The following LRBA variants were observed in gnomAD, a reference collection of about 807,000 sequenced individuals.
The protein encoded by LRBA is LPS responsive beige-like anchor protein.
In LRBA, 176 loss-of-function variants were observed where a neutral mutation model predicts 330.0. The observed-to-expected ratio is 0.53, with a 90% confidence interval of 0.47 to 0.60. The LOEUF is 0.60. Among genes scored for constraint, LRBA ranks in the 20% least tolerant of loss-of-function variants. LRBA has a pLI of 0.00. For missense variants in LRBA, 3,259 were observed against 3,444.8 expected (o/e 0.95, Z 1.35); for synonymous variants, 1,230 against 1,193.0 (o/e 1.03, Z -0.64).
chr4:150,276,883 T>C (rs763355924), intron 56 of LRBA, among the ~76,000 whole-genome samples: 6 of 152,166 alleles, frequency 3.9e-5, no homozygotes, highest in Non-Finnish European at 7.3e-5. Context: ...CTCAAGGATA[T>C]AGAACCAGAA....
chr4:150,318,466 A>T (rs578073239), intron 50 of LRBA, among the ~76,000 whole-genome samples: 2 of 152,316 alleles, frequency 1.3e-5, no homozygotes, highest in Admixed American at 6.5e-5. Flanking sequence ...AAATATTGTA[A>T]TATGGATTTG....
intron 40 of LRBA, among the ~76,000 whole-genome samples, chr4:150,548,267 G>A (rs1044760463): frequency 2.6e-5 from 4 of 152,006 alleles, no homozygotes; most frequent in Admixed American, 6.5e-5. Context: ...ACCACTCTTT[G>A]TTAGGCTGTA....
At chr4:150,837,903 T>G (rs1159439355) in intron 28 of LRBA, among the ~76,000 whole-genome samples, 2 of 152,248 alleles carry the variant, frequency 1.3e-5, no homozygotes, top group East Asian at 3.8e-4. Flanking sequence ...TCTTTACAAT[T>G]TGGCATGTTT....
intron 36 of LRBA, among the ~76,000 whole-genome samples, chr4:150,689,693 T>C (rs1029454516): frequency 1.3e-5 from 2 of 151,984 alleles, no homozygotes; most frequent in Non-Finnish European, 2.9e-5. Context: ...AGGGAGGCTG[T>C]GACAGGAGGA....
chr4:150,797,495 T>C (rs956256559), intron 34 of LRBA, among the ~76,000 whole-genome samples: 2 of 151,984 alleles, frequency 1.3e-5, no homozygotes, highest in African/African-American at 4.8e-5. Flanking sequence ...ATGATTTTTA[T>C]ATAAGTTTTT....
At chr4:150,281,676 T>G (rs993213634) in intron 55 of LRBA, among the ~76,000 whole-genome samples, 16 of 152,188 alleles carry the variant, frequency 1.1e-4, no homozygotes, top group Non-Finnish European at 2.4e-4. Flanking sequence ...ACAGCTCACA[T>G]GCCCCGCCCT....
At chr4:150,937,066 T>G (rs893792992) in intron 2 of LRBA, among the ~76,000 whole-genome samples, 1 of 152,074 alleles carries the variant, frequency 6.6e-6, no homozygotes, top group Non-Finnish European at 1.5e-5. Context: ...TTCACCAGCT[T>G]TTAAACTGAG....
chr4:150,545,769 CAAG>C (rs1192158422), intron 40 of LRBA, among the ~76,000 whole-genome samples: 1 of 151,946 alleles, frequency 6.6e-6, no homozygotes, highest in African/African-American at 2.4e-5. Context: ...CATGATCAAA[CAAG>C]AAAACAATTT....
In LRBA at chr4:150,737,927, G is replaced by A. The variant is rs574118761; in HGVS notation, c.5646-2561C>T. Among the ~76,000 whole-genome samples the A allele has an allele frequency of 8.7e-5, 13 of 149,794 alleles. No homozygotes were observed. In the South Asian group the frequency reaches 2.5e-3, roughly 29 times the overall value. On this transcript the variant is annotated intron_variant, in intron 35 of 56. Coordinates refer to ENST00000651943, the MANE Select transcript of LRBA (RefSeq NM_001364905.1). ...ACTTCACTTTTACCCTATTAAAATG[G>A]TATGTATATAACCCCAAATTCTAAC...
intron 53 of LRBA, among the ~76,000 whole-genome samples, chr4:150,299,171 A>T (rs1729338267): frequency 6.6e-6 from 1 of 152,044 alleles, no homozygotes; most frequent in Non-Finnish European, 1.5e-5. Flanking sequence ...GACAAGGCTC[A>T]GTCCTAAAAC....
At chr4:150,641,191 C>T (rs1427434009) in intron 37 of LRBA, among the ~76,000 whole-genome samples, 5 of 152,078 alleles carry the variant, frequency 3.3e-5, no homozygotes, top group African/African-American at 9.7e-5. Flanking sequence ...ATACACATTT[C>T]GCAGTAATAT....
At chr4:150,761,938 C>T in intron 34 of LRBA, 91 bp from the exon 35 acceptor site, 1 of 689,436 alleles carries the variant, frequency 1.5e-6, no homozygotes. Flanking sequence ...TCACCCATAT[C>T]AATTTCATGC....
chr4:150,995,691 G>A (rs886778908), intron 2 of LRBA, among the ~76,000 whole-genome samples: 3 of 151,980 alleles, frequency 2.0e-5, no homozygotes, highest in African/African-American at 7.3e-5. Context: ...GTACAAAAGG[G>A]CCATGGCATC....
chr4:150,751,269 A>G (rs567492573), intron 35 of LRBA, among the ~76,000 whole-genome samples: 4 of 152,276 alleles, frequency 2.6e-5, no homozygotes, highest in South Asian at 2.1e-4. Context: ...GGAAGCATAT[A>G]TATCTTTTCC....
chr4:150,963,525 C>T (rs1030289743), intron 2 of LRBA, among the ~76,000 whole-genome samples: 2 of 149,420 alleles, frequency 1.3e-5, no homozygotes, highest in Admixed American at 6.6e-5. Flanking sequence ...GGCGTGATCT[C>T]GAATCGCTAC....
chr4:150,658,507 C>CCCAG (rs1292617798), intron 37 of LRBA, among the ~76,000 whole-genome samples: 4 of 512 alleles, frequency 7.8e-3, no homozygotes, highest in African/African-American at 0.013. Flanking sequence ...AAATAAAAGT[C>CCCAG]TCCCTCTCCC....
chr4:151,006,643 A>T (rs1025712840), intron 2 of LRBA, among the ~76,000 whole-genome samples: 2 of 152,200 alleles, frequency 1.3e-5, no homozygotes, highest in African/African-American at 4.8e-5. Context: ...CAACTAGGTC[A>T]GTATGAGAAA....
At chr4:150,974,165 G>A (rs1739891559) in intron 2 of LRBA, among the ~76,000 whole-genome samples, 1 of 152,004 alleles carries the variant, frequency 6.6e-6, no homozygotes, top group African/African-American at 2.4e-5. Context: ...AAACAAACAA[G>A]GTCTCAACTC....
intron 48 of LRBA, among the ~76,000 whole-genome samples, chr4:150,332,832 A>G (rs890797701): frequency 2.0e-4 from 30 of 152,168 alleles, no homozygotes; most frequent in African/African-American, 6.8e-4. Context: ...CATTGCAGTA[A>G]AACCACATAT....
Sources: gnomAD v4.1 joint callset for allele counts (sites outside exome capture counted in the v4.1 genomes callset) on GRCh38, gnomAD v4.1.1 for gene constraint, MANE v1.5 for transcripts, NCBI Gene and HGNC (gene_info 2026-07-23, HGNC 2026-07-21) for gene names.